Variants in PIK3AP1 observed in about 807,000 individuals in gnomAD.
The protein encoded by PIK3AP1 is phosphoinositide-3-kinase adaptor protein 1.
In PIK3AP1, 21 loss-of-function variants were observed where a neutral mutation model predicts 88.1. The ratio of observed to expected loss-of-function variants is 0.24; its 90% confidence interval spans 0.17 to 0.34. The LOEUF is 0.34. PIK3AP1 is among the 10% of genes least tolerant of loss of function. PIK3AP1 has a pLI of 1.00. For missense variants in PIK3AP1, 828 were observed against 1,035.7 expected, an observed-to-expected ratio of 0.80 and a Z score of 2.75; for synonymous variants, 398 against 400.0, an observed-to-expected ratio of 1.00 and a Z score of 0.06.
intron 16 of PIK3AP1, 150 bp downstream of exon 16, chr10:96,602,130 G>A (rs1848907777): frequency 8.6e-6 from 5 of 579,378 alleles, no homozygotes; most frequent in South Asian, 7.0e-5. Flanking sequence ...TGATCCGCCC[G>A]CCTTGGCCTC....
chr10:96,598,573 C>A (rs779623234), intron 16 of PIK3AP1, among the ~76,000 whole-genome samples: 4 of 152,080 alleles, frequency 2.6e-5, no homozygotes, highest in Admixed American at 1.3e-4. Flanking sequence ...AATTAAAAGT[C>A]AAAAATGGTG....
chr10:96,682,205 C>T (rs1377696783), intron 2 of PIK3AP1, among the ~76,000 whole-genome samples: 2 of 152,268 alleles, frequency 1.3e-5, no homozygotes, highest in East Asian at 3.9e-4. Context: ...AGGGGCAAAG[C>T]CTGCTCTCCA....
chr10:96,669,780 C>CA lies in PIK3AP1; in HGVS notation c.431-12847dup, dbSNP rs944666251. The stretch of plus-strand genomic sequence containing the variant: ...GTCTCAAAAAAACACAAAAAACAAA[C>CA]AAAAAAAAAACCAGAGAGAATTATG... On this transcript the variant is annotated intron_variant, in intron 2 of 16. Coordinates refer to ENST00000339364, the MANE Select transcript of PIK3AP1 (RefSeq NM_152309.3). Among the ~76,000 whole-genome samples the CA allele has an allele frequency of 3.1e-3, 443 of 144,720 alleles. 2 individuals carry two copies. The highest frequency in any genetic ancestry group is 9.7e-3 in the African/African-American group (384 of 39,528). 94.9% of individuals were successfully genotyped at this position (144,720 alleles called of 152,430 possible).
Position 96,620,487 on chromosome 10 carries a change from C to A in PIK3AP1, c.1806G>T (p.Thr602=). Residue 602 remains threonine (T), a synonymous_variant, in exon 12 of 17, where the codon ACG becomes ACT. Coordinates refer to ENST00000339364, the MANE Select transcript of PIK3AP1 (RefSeq NM_152309.3). ...SIYDPFAGMK[T]PGQRQLITLQ... ...GGGTGATAAGCTGCCGCTGGCCTGGCGTTTTCATTCCCGCAAAAGGGTCAT... is the reference window on the plus strand; with the variant it reads ...GGGTGATAAGCTGCCGCTGGCCTGGAGTTTTCATTCCCGCAAAAGGGTCAT... 1.2e-6 allele frequency: 2 copies of A among 1,614,030 alleles called. No homozygotes were observed. The highest frequency in any genetic ancestry group is 1.7e-6 in the Non-Finnish European group (2 of 1,180,030).
At chr10:96,606,476 C>T (rs1849004130) in intron 14 of PIK3AP1, among the ~76,000 whole-genome samples, 1 of 152,246 alleles carries the variant, frequency 6.6e-6, no homozygotes, top group Non-Finnish European at 1.5e-5. Context: ...TTCCCACTGT[C>T]CCTTCTGCTG....
At chr10:96,682,633 C>T (rs4919052) in intron 2 of PIK3AP1, among the ~76,000 whole-genome samples, 69,135 of 151,976 alleles carry the variant, frequency 0.45, 15,932 homozygotes, top group Middle Eastern at 0.61. Context: ...CATGTGACCC[C>T]GTCATTCTTT....
intron 8 of PIK3AP1, 48 bp from the exon 9 acceptor site, chr10:96,628,541 G>T: frequency 6.9e-7 from 1 of 1,449,410 alleles, no homozygotes; most frequent in Non-Finnish European, 9.7e-7. Context: ...TCCTCCACAG[G>T]CAAGGAGATT....
intron 2 of PIK3AP1, among the ~76,000 whole-genome samples, chr10:96,683,648 T>G (rs2282341): frequency 0.46 from 69,275 of 152,024 alleles, 15,988 homozygotes; most frequent in Middle Eastern, 0.62. Context: ...AGCCAAATCA[T>G]TTTATTCTAT....
At chr10:96,634,992 C>T (rs964263399) in intron 8 of PIK3AP1, among the ~76,000 whole-genome samples, 7 of 152,184 alleles carry the variant, frequency 4.6e-5, no homozygotes, top group African/African-American at 1.7e-4. Context: ...GAACTGAGTC[C>T]TCCCACTGAT....
chr10:96,640,938 C>G (rs963743512), intron 8 of PIK3AP1, among the ~76,000 whole-genome samples: 1 of 152,140 alleles, frequency 6.6e-6, no homozygotes, highest in Non-Finnish European at 1.5e-5. Context: ...GCTGGGATTA[C>G]GGGCATGAGC....
At chr10:96,670,947 C>T (rs17112032) in intron 2 of PIK3AP1, among the ~76,000 whole-genome samples, 23,723 of 152,078 alleles carry the variant, frequency 0.16, 2,510 homozygotes, top group African/African-American at 0.28. Context: ...AACATCCTGC[C>T]CTATCTGCTT....
intron 2 of PIK3AP1, among the ~76,000 whole-genome samples, chr10:96,683,385 G>A (rs1564982882): frequency 6.6e-6 from 1 of 152,190 alleles, no homozygotes; most frequent in South Asian, 2.1e-4. Context: ...GTACAATGCT[G>A]TAAGAGAGGC....
At chr10:96,669,874 T>C (rs1271280239) in intron 2 of PIK3AP1, among the ~76,000 whole-genome samples, 1 of 152,028 alleles carries the variant, frequency 6.6e-6, no homozygotes, top group African/African-American at 2.4e-5. Flanking sequence ...AGTTAATGTT[T>C]CTAAGTGTTT....
chr10:96,681,909 T>C (rs946100875), intron 2 of PIK3AP1, among the ~76,000 whole-genome samples: 35 of 152,272 alleles, frequency 2.3e-4, no homozygotes, highest in African/African-American at 8.2e-4. Flanking sequence ...TCCAGGTTTT[T>C]ATAGATGTGT....
chr10:96,596,326 A>G (rs1809663627), intron 16 of PIK3AP1, among the ~76,000 whole-genome samples: 1 of 152,182 alleles, frequency 6.6e-6, no homozygotes, highest in Non-Finnish European at 1.5e-5. Flanking sequence ...GCTCTTGTCC[A>G]CATTTTCCCC....
intron 13 of PIK3AP1, among the ~76,000 whole-genome samples, chr10:96,616,028 G>T (rs727329): frequency 0.59 from 89,018 of 152,102 alleles, 27,028 homozygotes; most frequent in East Asian, 0.82. Flanking sequence ...GGCTCTCTGT[G>T]GGAAGATGCA....
chr10:96,643,993 G>A (rs1168790215), intron 8 of PIK3AP1, among the ~76,000 whole-genome samples: 1 of 152,226 alleles, frequency 6.6e-6, no homozygotes, highest in Admixed American at 6.5e-5. Flanking sequence ...ATTTGGTAGC[G>A]AATGATGGTA....
chr10:96,658,196 G>A (rs1278500281), intron 2 of PIK3AP1, among the ~76,000 whole-genome samples: 4 of 152,120 alleles, frequency 2.6e-5, no homozygotes, highest in Non-Finnish European at 4.4e-5. Context: ...GAGGGAACCC[G>A]AGGACGAATC....
chr10:96,706,075 A>G (rs562844229), intron 2 of PIK3AP1, among the ~76,000 whole-genome samples: 48 of 151,148 alleles, frequency 3.2e-4, no homozygotes, highest in Middle Eastern at 3.5e-3. Flanking sequence ...TTGTATTTTT[A>G]GTAGAGACAG....
Sources: gnomAD v4.1 joint callset for allele counts (sites outside exome capture counted in the v4.1 genomes callset) on GRCh38, gnomAD v4.1.1 for gene constraint, MANE v1.5 for transcripts, NCBI Gene and HGNC (gene_info 2026-07-23, HGNC 2026-07-21) for gene names.